Variants in RBFOX3 observed in about 807,000 individuals in gnomAD.
RBFOX3 encodes the protein RNA binding protein fox-1 homolog 3.
In RBFOX3, 17 loss-of-function variants were observed where a neutral mutation model predicts 48.7. The ratio of observed to expected loss-of-function variants is 0.35; its 90% CI spans 0.24 to 0.52. The LOEUF (loss-of-function observed/expected upper bound fraction) is 0.52, where lower values mean the gene tolerates loss of function less well. RBFOX3 is among the 20% of genes least tolerant of loss of function. RBFOX3 has a pLI of 0.94. For missense variants in RBFOX3, 382 were observed against 497.5 expected, an observed-to-expected ratio of 0.77 and a Z score of 2.21; for synonymous variants, 212 against 209.5, an observed-to-expected ratio of 1.01 and a Z score of -0.10.
intron 1 of RBFOX3, among the ~76,000 whole-genome samples, chr17:79,524,737 C>T (rs1320256620): frequency 6.6e-6 from 1 of 152,200 alleles, no homozygotes; most frequent in Non-Finnish European, 1.5e-5. Context: ...GCACATGGCT[C>T]TGCCGTGCAG....
chr17:79,115,771 G>T, intron 4 of RBFOX3, 23 bp from the exon 5 acceptor site: 2 of 663,226 alleles, frequency 3.0e-6, no homozygotes, highest in East Asian at 3.0e-5. Context: ...AGAGAGCAAG[G>T]CCTGGTTAGA....
At chr17:79,457,772 G>A (rs1158945138) in intron 2 of RBFOX3, among the ~76,000 whole-genome samples, 2 of 152,258 alleles carry the variant, frequency 1.3e-5, no homozygotes, top group African/African-American at 4.8e-5. Context: ...TCCAGTGTGG[G>A]GAGGTGCAGG....
At chr17:79,572,525 G>T (rs2092712238) in intron 1 of RBFOX3, among the ~76,000 whole-genome samples, 1 of 152,060 alleles carries the variant, frequency 6.6e-6, no homozygotes, top group East Asian at 1.9e-4. Flanking sequence ...CTCCCTGGTG[G>T]ATCCTGAAGG....
At chr17:79,437,724 G>A (rs1386805264) in intron 2 of RBFOX3, among the ~76,000 whole-genome samples, 1 of 152,234 alleles carries the variant, frequency 6.6e-6, no homozygotes, top group Non-Finnish European at 1.5e-5. Context: ...TCCCACCCTA[G>A]GCCGGCATGA....
At chr17:79,091,371 G>A (rs1181405402) in intron 14 of RBFOX3, among the ~76,000 whole-genome samples, 2 of 152,240 alleles carry the variant, frequency 1.3e-5, no homozygotes, top group African/African-American at 2.4e-5. Context: ...TGTCATGGAG[G>A]TACAGATCTG....
chr17:79,334,795 G>A (rs2080936240), intron 2 of RBFOX3, among the ~76,000 whole-genome samples: 1 of 152,218 alleles, frequency 6.6e-6, no homozygotes, highest in Non-Finnish European at 1.5e-5. Context: ...GAGGATGCTT[G>A]TGAGCTTGAA....
intron 1 of RBFOX3, among the ~76,000 whole-genome samples, chr17:79,570,301 G>A (rs1193145667): frequency 6.6e-6 from 1 of 152,084 alleles, no homozygotes; most frequent in Non-Finnish European, 1.5e-5. Flanking sequence ...AGAAGGAATG[G>A]ACAGATGGAT....
chr17:79,128,879 C>T (rs2038037976), intron 4 of RBFOX3, among the ~76,000 whole-genome samples: 1 of 152,204 alleles, frequency 6.6e-6, no homozygotes, highest in Admixed American at 6.5e-5. Context: ...GACCTTGGTG[C>T]ATGGCCCTGT....
rs1485216445 is a variant in RBFOX3 at position 79,306,245 on chromosome 17, G to A, written c.-74+1479C>T. 6.6e-5 allele frequency among the ~76,000 whole-genome samples: 10 copies of A among 152,364 alleles called. No homozygotes were observed. In the East Asian group the frequency reaches 7.7e-4, roughly 12 times the overall value. On this transcript the variant is annotated intron_variant, in intron 3 of 14. Transcript: ENST00000693108. The stretch of plus-strand genomic sequence containing the variant: ...AGCCCTGCTAAGAGCACCCATGCAC[G>A]GCAATGGCGGAAAATAAACGAGACG...
intron 2 of RBFOX3, among the ~76,000 whole-genome samples, chr17:79,417,460 C>A (rs1555719719): frequency 6.6e-6 from 1 of 152,218 alleles, no homozygotes; most frequent in Non-Finnish European, 1.5e-5. Flanking sequence ...TCCCCACGGC[C>A]TTTCTTTCTC....
At chr17:79,100,803 G>T (rs2076292057) in intron 9 of RBFOX3, among the ~76,000 whole-genome samples, 3 of 152,188 alleles carry the variant, frequency 2.0e-5, no homozygotes, top group Non-Finnish European at 2.9e-5. Flanking sequence ...GGCCACCAGT[G>T]GTCCCCCTGC....
chr17:79,295,214 G>A (rs2074135660), intron 3 of RBFOX3, among the ~76,000 whole-genome samples: 1 of 152,158 alleles, frequency 6.6e-6, no homozygotes, highest in Non-Finnish European at 1.5e-5. Flanking sequence ...GATGAAATCC[G>A]CCTCGTGTGT....
At chr17:79,231,212 T>C (rs1258371434) in intron 4 of RBFOX3, among the ~76,000 whole-genome samples, 1 of 152,010 alleles carries the variant, frequency 6.6e-6, no homozygotes, top group African/African-American at 2.4e-5. Context: ...GAGAAAGAGC[T>C]CTACAGATAC....
chr17:79,152,348 C>T (rs2044726527), intron 4 of RBFOX3, among the ~76,000 whole-genome samples: 1 of 152,156 alleles, frequency 6.6e-6, no homozygotes, highest in Non-Finnish European at 1.5e-5. Flanking sequence ...AACGTGGACA[C>T]TGCCTTCCAG....
the RBFOX3 span, among the ~76,000 whole-genome samples, chr17:79,646,071 T>G: frequency 2.2e-4 from 33 of 152,302 alleles, no homozygotes; most frequent in East Asian, 6.0e-3. Flanking sequence ...CCTTTCACAG[T>G]TAGTGGGCTT....
At chr17:79,264,312 G>A (rs899268748) in intron 3 of RBFOX3, among the ~76,000 whole-genome samples, 2 of 151,886 alleles carry the variant, frequency 1.3e-5, no homozygotes, top group Non-Finnish European at 2.9e-5. Context: ...CTGACCTCAG[G>A]TGATCCATGT....
intron 2 of RBFOX3, among the ~76,000 whole-genome samples, chr17:79,339,755 G>T (rs1368531792): frequency 6.6e-6 from 1 of 152,176 alleles, no homozygotes; most frequent in Non-Finnish European, 1.5e-5. Flanking sequence ...TCCTCATTTT[G>T]GTCCTAACCT....
At chr17:79,241,350 A>G (rs528808343) in intron 3 of RBFOX3, among the ~76,000 whole-genome samples, 1 of 152,090 alleles carries the variant, frequency 6.6e-6, no homozygotes, top group South Asian at 2.1e-4. Context: ...GCGTAACACC[A>G]TCCTGCACTT....
chr17:79,324,967 T>C (rs1350028576), intron 2 of RBFOX3, among the ~76,000 whole-genome samples: 1 of 151,988 alleles, frequency 6.6e-6, no homozygotes, highest in Non-Finnish European at 1.5e-5. Flanking sequence ...AAGACAGGAG[T>C]GTATCAAAGC....
Sources: allele counts gnomAD v4.1 joint callset (sites outside exome capture counted in the v4.1 genomes callset), GRCh38; gene constraint gnomAD v4.1.1; transcripts MANE v1.5; gene names NCBI Gene and HGNC (gene_info 2026-07-23, HGNC 2026-07-21).